SNX27: variants seen among roughly 807,000 people sequenced by gnomAD.
The protein encoded by SNX27 is sorting nexin-27.
SNX27 carries 22 observed loss-of-function variants against 71.6 expected under a neutral mutation model. The ratio of observed to expected loss-of-function variants is 0.31; its 90% CI spans 0.22 to 0.44. The LOEUF (loss-of-function observed/expected upper bound fraction) is 0.44. SNX27 is among the 20% of genes least tolerant of loss of function. The pLI is 1.00. For synonymous variants in SNX27, 269 were observed against 277.2 expected (o/e 0.97, Z 0.29); for missense variants, 531 against 698.6 (o/e 0.76, Z 2.70).
intron 1 of SNX27, among the ~76,000 whole-genome samples, chr1:151,628,532 T>C (rs1668054243): frequency 6.6e-6 from 1 of 152,206 alleles, no homozygotes; most frequent in Non-Finnish European, 1.5e-5. Context: ...TTGCTGGATC[T>C]TATGGTAAGA....
intron 1 of SNX27, among the ~76,000 whole-genome samples, chr1:151,625,179 C>A (rs1391681064): frequency 1.3e-5 from 2 of 152,044 alleles, no homozygotes; most frequent in Non-Finnish European, 2.9e-5. Context: ...GCGCTTTTGC[C>A]CAGTGTTAAA....
Position 151,694,553 on chromosome 1 carries a change from AT to A in SNX27, c.*138del. ...TATATTCAAAAGCCCTAAACTAAAT[AT>A]TATTAATAACCCCCTCTGAATTTCA... is the stretch of plus-strand genomic sequence containing the variant. On this transcript the variant is annotated 3_prime_UTR_variant, in exon 12 of 12. Coordinates refer to ENST00000458013, the MANE Select transcript of SNX27 (RefSeq NM_001330723.2). The A allele has an allele frequency of 1.2e-6, 1 of 806,442 alleles. No individual in the cohort carries two copies. Among genetic ancestry groups the A allele is most frequent in the Non-Finnish European group, 1.8e-6 (1 of 543,092 alleles). The allele number at this position is 806,442 out of a possible 1,614,324, so 50.0% of individuals were successfully genotyped here.
chr1:151,648,665 C>T (rs1358113602), intron 2 of SNX27, among the ~76,000 whole-genome samples: 1 of 152,086 alleles, frequency 6.6e-6, no homozygotes, highest in African/African-American at 2.4e-5. Context: ...GTGATCTGCC[C>T]ACCTTGGCCT....
intron 2 of SNX27, among the ~76,000 whole-genome samples, chr1:151,645,685 C>A (rs1044782385): frequency 1.3e-5 from 2 of 152,192 alleles, no homozygotes; most frequent in African/African-American, 4.8e-5. Flanking sequence ...GCCATGGTTA[C>A]CTAGAATCTT....
intron 1 of SNX27, among the ~76,000 whole-genome samples, chr1:151,630,557 A>G (rs2102617355): frequency 6.6e-6 from 1 of 152,298 alleles, no homozygotes; most frequent in East Asian, 1.9e-4. Context: ...GCAAAATATT[A>G]TTATTTCTAA....
intron 7 of SNX27, among the ~76,000 whole-genome samples, chr1:151,673,709 G>C (rs1670543010): frequency 6.6e-6 from 1 of 152,048 alleles, no homozygotes; most frequent in South Asian, 2.1e-4. Context: ...ATATATGTCA[G>C]GGTGCTCCAG....
intron 1 of SNX27, among the ~76,000 whole-genome samples, chr1:151,633,863 T>G (rs1571783324): frequency 2.6e-5 from 4 of 152,238 alleles, no homozygotes; most frequent in Admixed American, 2.0e-4. Context: ...CACAACTTGT[T>G]TATCCATTTG....
At chr1:151,613,895 T>C (rs550056369) in intron 1 of SNX27, 93 of 152,310 alleles carry the variant, frequency 6.1e-4, no homozygotes, top group African/African-American at 2.0e-3. Flanking sequence ...ACACTTTTAC[T>C]CTCTCCCTCC....
intron 2 of SNX27, among the ~76,000 whole-genome samples, chr1:151,654,881 C>T (rs958665304): frequency 6.6e-6 from 1 of 152,164 alleles, no homozygotes; most frequent in Non-Finnish European, 1.5e-5. Flanking sequence ...TAATACACTT[C>T]GTAATCCCAC....
In SNX27 at chr1:151,695,184, TCTGCAGGGAGAGCCTGAAGTC is replaced by T. The variant is rs1181051149; in HGVS notation, c.*771_*791del. ...TTTCTCAAGGTTAACAGGCTGTAGT[TCTGCAGGGAGAGCCTGAAGTC>T]CTGGTATGGGCTCTTGATTCTGTGA... On this transcript the variant is annotated 3_prime_UTR_variant, in exon 12 of 12. Coordinates refer to ENST00000458013, the MANE Select transcript of SNX27 (RefSeq NM_001330723.2). 2.0e-5 allele frequency: 3 copies of T among 152,508 alleles called. No individual in the cohort carries two copies. The highest frequency in any genetic ancestry group is 7.2e-5 in the African/African-American group (3 of 41,408). 9.4% of individuals were successfully genotyped at this position (152,508 alleles called of 1,614,324 possible).
Position 151,694,463 on chromosome 1 carries a change from C to A in SNX27, c.*46C>A. The stretch of plus-strand genomic sequence containing the variant: ...TTCCCTTCACCCCCATCCTCTTACT[C>A]CTTTCATGTCCCATTTCAGACAGAG... On this transcript the variant is annotated 3_prime_UTR_variant, in exon 12 of 12. Transcript: ENST00000458013. The A allele has an allele frequency of 6.6e-7, 1 of 1,512,076 alleles. No homozygotes were observed. Among genetic ancestry groups the A allele is most frequent in the African/African-American group, 1.4e-5 (1 of 71,758 alleles). 93.7% of individuals were successfully genotyped at this position (1,512,076 alleles called of 1,614,324 possible).
chr1:151,644,860 G>A (rs776943845), intron 2 of SNX27, among the ~76,000 whole-genome samples: 10 of 151,936 alleles, frequency 6.6e-5, no homozygotes, highest in South Asian at 2.1e-4. Context: ...GTGCAGTGGC[G>A]CAATATTGGC....
rs2102676952 is a variant in SNX27, at chr1:151,658,351, A to G, written c.660A>G (p.Pro220=). Reference sequence around the variant, plus strand: ...CCAACTTTACATTTCCTCGACTCCCAGGGAAGTGGCCATTTTCATTATCAG... The same window carrying G: ...CCAACTTTACATTTCCTCGACTCCCGGGGAAGTGGCCATTTTCATTATCAG... ...EFANFTFPRL[P]GKWPFSLSEQ... is the part of the protein sequence containing the mutation. The change falls in exon 3 of 12, where the codon CCA becomes CCG. Residue 220 remains proline, a synonymous_variant. Coordinates refer to ENST00000458013, the MANE Select transcript of SNX27 (RefSeq NM_001330723.2). The G allele has an allele frequency of 2.5e-6, 4 of 1,614,148 alleles. No individual in the cohort carries two copies. The South Asian group carries it at 3.3e-5, about 13-fold the overall frequency.
intron 1 of SNX27, among the ~76,000 whole-genome samples, chr1:151,625,344 A>T (rs1667876115): frequency 6.6e-6 from 1 of 151,962 alleles, no homozygotes. Context: ...CGTCTTCATT[A>T]AAAATACAAA....
rs1486495734 is a variant in SNX27, at chr1:151,695,420, T to TTTTC, written c.*1006_*1007insCTTT. 5 of 139,086 alleles carry TTTTC rather than the reference T, an allele frequency of 3.6e-5. 1 individual carries two copies. In the East Asian group the frequency reaches 1.0e-3, roughly 29 times the overall value. 8.6% of individuals were successfully genotyped at this position (139,086 alleles called of 1,614,324 possible). On this transcript the variant is annotated 3_prime_UTR_variant, in exon 12 of 12. Transcript: ENST00000458013. The stretch of plus-strand genomic sequence containing the variant: ...TCCTGTTTTCCTTGCCTTTTTTTTT[T>TTTTC]TTTTTTTTTTTTTTTTCTGAGACAG...
chr1:151,622,023 T>C (rs1005740307), intron 1 of SNX27, among the ~76,000 whole-genome samples: 2 of 152,254 alleles, frequency 1.3e-5, no homozygotes, highest in African/African-American at 2.4e-5. Flanking sequence ...TACCCAGTTA[T>C]CTTTTATATT....
chr1:151,699,044 C>T lies in SNX27; in HGVS notation c.*4627C>T, dbSNP rs1401130317. Reference sequence around the variant, plus strand: ...TGTCACTTAGTGTAATTAATTGTAACATATTCTTTTAAATAAATTGATTTA... The same window carrying T: ...TGTCACTTAGTGTAATTAATTGTAATATATTCTTTTAAATAAATTGATTTA... On this transcript the variant is annotated 3_prime_UTR_variant, in exon 12 of 12. Coordinates refer to ENST00000458013, the MANE Select transcript of SNX27 (RefSeq NM_001330723.2). 1 of 152,604 alleles carries T rather than the reference C, an allele frequency of 6.6e-6. No individual in the cohort carries two copies. Among genetic ancestry groups the T allele is most frequent in the Non-Finnish European group, 1.5e-5 (1 of 68,026 alleles). The allele number at this position is 152,604 out of a possible 1,614,324, so 9.5% of individuals were successfully genotyped here. A position where few individuals can be genotyped will look rare whatever the true frequency, so the allele number is the denominator to read the frequency against.
chr1:151,651,417 C>CG (rs978183901), intron 2 of SNX27, among the ~76,000 whole-genome samples: 2 of 151,562 alleles, frequency 1.3e-5, no homozygotes, highest in Non-Finnish European at 2.9e-5. Context: ...GGGTGGCTGC[C>CG]GGGCGGAGAC....
Position 151,694,361 on chromosome 1 carries a change from TC to T in SNX27, c.1579-7del, listed in dbSNP as rs1348086837. On this transcript the variant is annotated splice_region_variant and splice_polypyrimidine_tract_variant and intron_variant, in intron 11 of 11. Coordinates refer to ENST00000458013, the MANE Select transcript of SNX27 (RefSeq NM_001330723.2). ...CCTTCCCAATAACTCTTTTTTTTTT[TC>T]CTTTCAGAACATTTTCCAGATGGCG... 14 of 1,549,484 alleles carry T rather than the reference TC, an allele frequency of 9.0e-6. No homozygotes were observed. The highest frequency in any genetic ancestry group is 1.2e-5 in the Non-Finnish European group (14 of 1,146,652).
Sources: gnomAD v4.1 joint callset for allele counts (sites outside exome capture counted in the v4.1 genomes callset) on GRCh38, gnomAD v4.1.1 for gene constraint, MANE v1.5 for transcripts, NCBI Gene and HGNC (gene_info 2026-07-23, HGNC 2026-07-21) for gene names.